ANTXR1: variants seen among roughly 807,000 people sequenced by gnomAD.
ANTXR1 encodes the protein anthrax toxin receptor 1.
Under a neutral mutation model 78.1 loss-of-function variants are expected in ANTXR1, and 19 were observed. The observed-to-expected ratio is 0.24, with a 90% confidence interval of 0.17 to 0.36. ANTXR1 has a LOEUF of 0.36. Among genes scored for constraint, ANTXR1 ranks in the 10% least tolerant of loss-of-function variants. ANTXR1 has a pLI of 1.00. For missense variants in ANTXR1, 518 were observed against 718.6 expected (o/e 0.72, Z 3.19); for synonymous variants, 273 against 260.5 (o/e 1.05, Z -0.46).
intron 16 of ANTXR1, among the ~76,000 whole-genome samples, chr2:69,190,500 G>A (rs1353141233): frequency 6.6e-6 from 1 of 152,170 alleles, no homozygotes; most frequent in Non-Finnish European, 1.5e-5. Flanking sequence ...TATGATCATA[G>A]GTAACATTTA....
chr2:69,233,448 A>C (rs538404874), intron 17 of ANTXR1, among the ~76,000 whole-genome samples: 1 of 151,870 alleles, frequency 6.6e-6, no homozygotes, highest in South Asian at 2.1e-4. Context: ...TATAAAATAT[A>C]TATCAGTAGG....
chr2:69,234,896 A>G (rs981494715), intron 17 of ANTXR1, among the ~76,000 whole-genome samples: 12 of 151,998 alleles, frequency 7.9e-5, no homozygotes, highest in African/African-American at 2.7e-4. Context: ...AGTAAGTTGC[A>G]GAACCAGATC....
At chr2:69,202,766 A>G (rs1408414731) in intron 17 of ANTXR1, among the ~76,000 whole-genome samples, 1 of 152,056 alleles carries the variant, frequency 6.6e-6, no homozygotes, top group Non-Finnish European at 1.5e-5. Flanking sequence ...CTGGAACTGG[A>G]GCTCCTGGAA....
intron 17 of ANTXR1, among the ~76,000 whole-genome samples, chr2:69,241,228 A>G (rs1675887045): frequency 6.6e-6 from 1 of 152,154 alleles, no homozygotes; most frequent in South Asian, 2.1e-4. Flanking sequence ...CTTTTAACCA[A>G]ACACTGGTGC....
chr2:69,137,864 A>G (rs1200369980), intron 12 of ANTXR1, among the ~76,000 whole-genome samples: 1 of 151,756 alleles, frequency 6.6e-6, no homozygotes, highest in Non-Finnish European at 1.5e-5. Flanking sequence ...CATGTGGATC[A>G]CCTGGGGTCA....
At chr2:69,075,769 G>T (rs1454880347) in intron 7 of ANTXR1, 111 bp downstream of exon 7, 17 of 1,011,422 alleles carry the variant, frequency 1.7e-5, no homozygotes, top group Non-Finnish European at 2.7e-5. Flanking sequence ...CCTGAAATAG[G>T]TTATTTTTCT....
chr2:69,025,507 A>G (rs1325195186), intron 1 of ANTXR1, among the ~76,000 whole-genome samples: 1 of 152,214 alleles, frequency 6.6e-6, no homozygotes, highest in Non-Finnish European at 1.5e-5. Flanking sequence ...GGCTTTCCCA[A>G]CATCTTGATT....
chr2:69,234,370 T>C (rs1338983304), intron 17 of ANTXR1, among the ~76,000 whole-genome samples: 4 of 152,206 alleles, frequency 2.6e-5, no homozygotes, highest in African/African-American at 9.7e-5. Context: ...ATTGGCTGAT[T>C]TAGAAAAAGA....
intron 1 of ANTXR1, among the ~76,000 whole-genome samples, chr2:69,022,702 T>A (rs767249801): frequency 6.6e-6 from 1 of 152,190 alleles, no homozygotes; most frequent in Non-Finnish European, 1.5e-5. Flanking sequence ...GGTCCCTCCC[T>A]CAGTGAGTCA....
chr2:69,145,927 T>C, intron 12 of ANTXR1: 1 of 985,744 alleles, frequency 1.0e-6, no homozygotes, highest in Non-Finnish European at 1.2e-6. Context: ...GCTTTCATTA[T>C]TGAAGTTCCA....
chr2:69,147,307 A>T (rs1206033654), intron 12 of ANTXR1, among the ~76,000 whole-genome samples: 1 of 152,256 alleles, frequency 6.6e-6, no homozygotes, highest in Admixed American at 6.5e-5. Context: ...AATAATGCAG[A>T]TGTGCATCTA....
chr2:69,223,477 G>A (rs1675370475), intron 17 of ANTXR1, among the ~76,000 whole-genome samples: 1 of 152,164 alleles, frequency 6.6e-6, no homozygotes, highest in South Asian at 2.1e-4. Flanking sequence ...GGAGGAATAA[G>A]GAAAGCTGTT....
At chr2:69,120,744 A>G (rs141210570) in intron 10 of ANTXR1, among the ~76,000 whole-genome samples, 213 of 152,286 alleles carry the variant, frequency 1.4e-3, no homozygotes, top group African/African-American at 4.7e-3. Context: ...AAGCTTTATA[A>G]TTTTACTCAA....
chr2:69,139,786 G>A (rs75701311), intron 12 of ANTXR1, among the ~76,000 whole-genome samples: 7,116 of 152,230 alleles, frequency 0.047, 185 homozygotes, highest in East Asian at 0.072. Flanking sequence ...TGATCAATCA[G>A]ACCAATTGAG....
intron 12 of ANTXR1, among the ~76,000 whole-genome samples, chr2:69,126,081 T>C (rs1379646086): frequency 1.3e-5 from 2 of 152,166 alleles, no homozygotes; most frequent in East Asian, 1.9e-4. Flanking sequence ...ACCATCACAG[T>C]TGGATAAGAA....
chr2:69,040,247 A>AC, intron 2 of ANTXR1, 132 bp downstream of exon 2: 1 of 765,270 alleles, frequency 1.3e-6, no homozygotes, highest in South Asian at 1.5e-5. Flanking sequence ...CAGATCTCGG[A>AC]CCAGAGACTG....
At chr2:69,191,073 A>G (rs1443677856) in intron 16 of ANTXR1, among the ~76,000 whole-genome samples, 4 of 152,232 alleles carry the variant, frequency 2.6e-5, no homozygotes, top group Non-Finnish European at 4.4e-5. Flanking sequence ...ATGCTTATCC[A>G]AAAGAACCTT....
chr2:69,112,106 G>C (rs1366921251), intron 10 of ANTXR1, among the ~76,000 whole-genome samples: 3 of 152,200 alleles, frequency 2.0e-5, no homozygotes, highest in Admixed American at 2.0e-4. Context: ...GGAGCGTACA[G>C]TCTCATGTTC....
chr2:69,164,996 GGAAATA>G (rs899491003), intron 13 of ANTXR1, among the ~76,000 whole-genome samples: 8 of 152,030 alleles, frequency 5.3e-5, no homozygotes, highest in Middle Eastern at 3.2e-3. Context: ...TGGGGCTCCA[GGAAATA>G]AGCTAATTCA....
Sources: gnomAD v4.1 joint callset for allele counts (sites outside exome capture counted in the v4.1 genomes callset) on GRCh38, gnomAD v4.1.1 for gene constraint, MANE v1.5 for transcripts, NCBI Gene and HGNC (gene_info 2026-07-23, HGNC 2026-07-21) for gene names.